AGBL4: variants seen among roughly 807,000 people sequenced by gnomAD.
The protein encoded by AGBL4 is cytosolic carboxypeptidase 6.
AGBL4 carries 58 observed loss-of-function variants against 66.4 expected under a neutral mutation model. The ratio of observed to expected loss-of-function variants is 0.87; its 90% confidence interval spans 0.71 to 1.09. The LOEUF is 1.09. Ranked by LOEUF, AGBL4 falls within the 50% of genes least tolerant of loss-of-function variation. The pLI is 0.00. For missense variants in AGBL4, 579 were observed against 631.0 expected (o/e 0.92, Z 0.88); for synonymous variants, 234 against 222.9 (o/e 1.05, Z -0.44).
intron 3 of AGBL4, among the ~76,000 whole-genome samples, chr1:49,247,377 C>T (rs926879186): frequency 2.0e-5 from 3 of 152,088 alleles, no homozygotes; most frequent in Non-Finnish European, 2.9e-5. Flanking sequence ...AGCCATTTAC[C>T]GCATCTCTAG....
At chr1:50,002,240 AATCGGC>A (rs879389897) in intron 1 of AGBL4, among the ~76,000 whole-genome samples, 15 of 152,212 alleles carry the variant, frequency 9.9e-5, no homozygotes, top group Admixed American at 8.5e-4. Context: ...CACCAAAGGT[AATCGGC>A]TTTATCTTTA....
At chr1:49,654,680 G>A (rs1204043501) in intron 3 of AGBL4, among the ~76,000 whole-genome samples, 2 of 152,062 alleles carry the variant, frequency 1.3e-5, no homozygotes, top group Admixed American at 6.6e-5. Flanking sequence ...TTATATAATG[G>A]CCTTCTTTGT....
In AGBL4 at chr1:49,703,494, AC is replaced by A. The variant is rs1215042439; in HGVS notation, c.158-6058del. On this transcript the variant is annotated intron_variant, in intron 2 of 13. Transcript: ENST00000371839. Reference sequence around the variant, plus strand: ...GATTATTTCAGTAGATGCTGAAAAAACATTTGACAAATTCCACACGCATTCA... The same window carrying A: ...GATTATTTCAGTAGATGCTGAAAAAAATTTGACAAATTCCACACGCATTCA... 7.9e-5 allele frequency among the ~76,000 whole-genome samples: 12 copies of A among 152,050 alleles called. No individual in the cohort carries two copies. In the South Asian group the frequency reaches 2.5e-3, roughly 32 times the overall value.
chr1:48,723,945 G>A (rs1452605565), intron 6 of AGBL4, among the ~76,000 whole-genome samples: 1 of 152,224 alleles, frequency 6.6e-6, no homozygotes, highest in Non-Finnish European at 1.5e-5. Context: ...AGGTAGGTGA[G>A]GGGAGCTGGA....
rs140660896 is a variant in AGBL4 at position 48,961,080 on chromosome 1, G to GGTGTGTGTGTGT, written c.594+84492_594+84503dup. Among the ~76,000 whole-genome samples, 322 of 148,710 alleles carry GGTGTGTGTGTGT rather than the reference G, an allele frequency of 2.2e-3. 3 individuals carry two copies. Among genetic ancestry groups the GGTGTGTGTGTGT allele is most frequent in the African/African-American group, 6.5e-3 (263 of 40,690 alleles). ...TGCCCTTGGGCAGATCCCAGTCTGGGGTGTGTGTGTGTGTGTGTGTGTGTG... is the reference window on the plus strand; with the variant it reads ...TGCCCTTGGGCAGATCCCAGTCTGGGGTGTGTGTGTGTGTGTGTGTGTGTGTGTGTGTGTGTG... On this transcript the variant is annotated intron_variant, in intron 5 of 13. Coordinates refer to ENST00000371839, the MANE Select transcript of AGBL4 (RefSeq NM_032785.4).
intron 1 of AGBL4, among the ~76,000 whole-genome samples, chr1:49,918,505 C>G (rs13375967): frequency 0.081 from 12,331 of 151,678 alleles, 701 homozygotes; most frequent in African/African-American, 0.17. Flanking sequence ...ATAAATTCCT[C>G]GACACATACA....
intron 5 of AGBL4, among the ~76,000 whole-genome samples, chr1:48,915,908 C>A (rs1255179406): frequency 6.6e-6 from 1 of 152,044 alleles, no homozygotes; most frequent in African/African-American, 2.4e-5. Context: ...ATTTTTCTCT[C>A]TGAAAGAGAA....
intron 3 of AGBL4, among the ~76,000 whole-genome samples, chr1:49,294,169 T>A (rs1644596877): frequency 1.3e-5 from 2 of 152,170 alleles, no homozygotes; most frequent in African/African-American, 4.8e-5. Flanking sequence ...GGGTCTGAGT[T>A]TTTGTTCCTT....
At position 49,909,806 on chromosome 1, in the gene AGBL4, A is replaced by C. The variant is rs370678320; in HGVS notation, c.35-58288T>G. On this transcript the variant is annotated intron_variant, in intron 1 of 13. Coordinates refer to ENST00000371839, the MANE Select transcript of AGBL4 (RefSeq NM_032785.4). ...ATTTACATTTGCTAATGAATCTGAT[A>C]TAGATTGCTAGAGAAAGAGAGGATT... 1.4e-3 allele frequency among the ~76,000 whole-genome samples: 209 copies of C among 152,354 alleles called. 1 individual carries two copies. Among genetic ancestry groups the C allele is most frequent in the African/African-American group, 4.7e-3 (196 of 41,588 alleles).
intron 9 of AGBL4, among the ~76,000 whole-genome samples, chr1:48,592,836 G>C (rs1297182188): frequency 6.6e-6 from 1 of 151,974 alleles, no homozygotes. Flanking sequence ...TTAGAACCTA[G>C]CTTTTCTTTT....
intron 2 of AGBL4, among the ~76,000 whole-genome samples, chr1:49,709,196 G>A (rs540354201): frequency 8.5e-5 from 13 of 152,334 alleles, no homozygotes; most frequent in Non-Finnish European, 1.5e-4. Context: ...CAGAAAGATG[G>A]GAGTTTTATC....
At chr1:49,343,782 T>C (rs1557856305) in intron 3 of AGBL4, among the ~76,000 whole-genome samples, 3 of 152,186 alleles carry the variant, frequency 2.0e-5, no homozygotes, top group African/African-American at 7.2e-5. Context: ...TTTCAAAATA[T>C]GTGAATGAGC....
chr1:49,243,063 A>T (rs1651362301), intron 4 of AGBL4, among the ~76,000 whole-genome samples: 2 of 150,914 alleles, frequency 1.3e-5, no homozygotes, highest in Non-Finnish European at 1.5e-5. Flanking sequence ...ATATATACAC[A>T]CACATACATA....
At chr1:49,168,784 C>T (rs1646679522) in intron 4 of AGBL4, among the ~76,000 whole-genome samples, 1 of 152,214 alleles carries the variant, frequency 6.6e-6, no homozygotes, top group South Asian at 2.1e-4. Flanking sequence ...CATGGGGCTT[C>T]AGGCCACAGG....
chr1:48,961,080 GGT>G (rs140660896), intron 5 of AGBL4, among the ~76,000 whole-genome samples: 2,395 of 148,232 alleles, frequency 0.016, 32 homozygotes, highest in South Asian at 0.03. Context: ...CCCAGTCTGG[GGT>G]GTGTGTGTGT....
intron 1 of AGBL4, among the ~76,000 whole-genome samples, chr1:49,861,697 C>T (rs990133999): frequency 1.3e-5 from 2 of 152,166 alleles, no homozygotes; most frequent in African/African-American, 2.4e-5. Flanking sequence ...AACAGAGAGA[C>T]TCTGTATATT....
intron 2 of AGBL4, among the ~76,000 whole-genome samples, chr1:49,717,612 C>T (rs1427459447): frequency 6.6e-6 from 1 of 152,066 alleles, no homozygotes; most frequent in Non-Finnish European, 1.5e-5. Context: ...ACAGCACTCA[C>T]TACATCGAAG....
chr1:49,121,993 C>T (rs181112276), intron 4 of AGBL4, among the ~76,000 whole-genome samples: 10 of 152,320 alleles, frequency 6.6e-5, no homozygotes, highest in African/African-American at 1.4e-4. Context: ...AGCAAGGCTC[C>T]GTAGGCATGG....
chr1:49,989,258 G>GTTT (rs1367775280), intron 1 of AGBL4, among the ~76,000 whole-genome samples: 3 of 152,158 alleles, frequency 2.0e-5, no homozygotes, highest in African/African-American at 7.2e-5. Flanking sequence ...TGAGGAAAGG[G>GTTT]GAAAACAAGA....
Sources: allele counts gnomAD v4.1 joint callset (sites outside exome capture counted in the v4.1 genomes callset), GRCh38; gene constraint gnomAD v4.1.1; transcripts MANE v1.5; gene names NCBI Gene and HGNC (gene_info 2026-07-23, HGNC 2026-07-21).